TLK1: variants seen among roughly 807,000 people sequenced by gnomAD.
The protein encoded by TLK1 is serine/threonine-protein kinase tousled-like 1.
In TLK1, 24 loss-of-function variants were observed where a neutral mutation model predicts 105.3. That is an observed-to-expected ratio of 0.23 (90% CI 0.17 to 0.32). The LOEUF (loss-of-function observed/expected upper bound fraction) is 0.32, where lower values mean the gene tolerates loss of function less well. Ranked by LOEUF, TLK1 falls within the 10% of genes least tolerant of loss-of-function variation. TLK1 has a pLI of 1.00. For synonymous variants in TLK1, 321 were observed against 310.4 expected (o/e 1.03, Z -0.36); for missense variants, 558 against 910.5 (o/e 0.61, Z 4.98).
chr2:171,137,745 A>C (rs967538507), intron 1 of TLK1, among the ~76,000 whole-genome samples: 2 of 151,992 alleles, frequency 1.3e-5, no homozygotes, highest in African/African-American at 4.8e-5. Flanking sequence ...GCTACTCGGG[A>C]GGCTGAGGCA....
chr2:171,150,459 G>C (rs1291143667), intron 1 of TLK1, among the ~76,000 whole-genome samples: 2 of 152,064 alleles, frequency 1.3e-5, no homozygotes, highest in Non-Finnish European at 2.9e-5. Flanking sequence ...CATCTCAAGG[G>C]GACTGTCAAT....
intron 3 of TLK1, among the ~76,000 whole-genome samples, chr2:171,077,792 A>G (rs1688579044): frequency 6.6e-6 from 1 of 152,250 alleles, no homozygotes; most frequent in Non-Finnish European, 1.5e-5. Context: ...ATACAAGTGT[A>G]AAAGAATACA....
chr2:171,136,320 AG>A (rs1691322609), intron 1 of TLK1, among the ~76,000 whole-genome samples: 1 of 152,234 alleles, frequency 6.6e-6, no homozygotes, highest in African/African-American at 2.4e-5. Context: ...CTAGGGGCAG[AG>A]GGGAATTAGA....
chr2:171,053,115 C>T (rs1687321454), intron 8 of TLK1, among the ~76,000 whole-genome samples: 1 of 152,136 alleles, frequency 6.6e-6, no homozygotes, highest in Non-Finnish European at 1.5e-5. Flanking sequence ...AAAAATCCTA[C>T]AGAACTGCAG....
chr2:171,133,758 A>AT (rs552762859), intron 1 of TLK1, among the ~76,000 whole-genome samples: 30,140 of 144,322 alleles, frequency 0.21, 3,592 homozygotes, highest in Non-Finnish European at 0.29. Context: ...CAGACTTCTG[A>AT]TTTTTTTTTT....
intron 1 of TLK1, among the ~76,000 whole-genome samples, chr2:171,212,142 C>T (rs1452801206): frequency 6.6e-6 from 1 of 152,226 alleles, no homozygotes; most frequent in Non-Finnish European, 1.5e-5. Context: ...GCCTGGCCTC[C>T]TCTCGTTTTA....
chr2:171,040,957 A>C (rs532013028), intron 11 of TLK1, among the ~76,000 whole-genome samples: 17 of 152,300 alleles, frequency 1.1e-4, no homozygotes, highest in Admixed American at 5.9e-4. Context: ...ATGAGGTAAA[A>C]TATTACTTAT....
At chr2:171,022,883 G>A (rs1685593885) in intron 12 of TLK1, 1 of 303,364 alleles carries the variant, frequency 3.3e-6, no homozygotes, top group Non-Finnish European at 6.6e-6. Context: ...TAAAGCCAAC[G>A]CCCTGCATTC....
At chr2:171,022,086 A>AACACACACACACACAGACACACACACAC (rs1553605632) in intron 12 of TLK1, among the ~76,000 whole-genome samples, 2 of 103,010 alleles carry the variant, frequency 1.9e-5, no homozygotes, top group East Asian at 1.2e-3. Context: ...CTGGGCGAAA[A>AACACACACACACACAGACACACACACAC]ACACACACAC....
chr2:171,035,566 T>G (rs984053427), intron 11 of TLK1, among the ~76,000 whole-genome samples: 5 of 152,226 alleles, frequency 3.3e-5, no homozygotes, highest in African/African-American at 1.2e-4. Flanking sequence ...ACATACCAAG[T>G]ACTACTGTGA....
intron 3 of TLK1, among the ~76,000 whole-genome samples, chr2:171,074,626 C>CAAAAAAAAAAAAAA (rs372844435): frequency 4.4e-5 from 4 of 89,952 alleles, no homozygotes; most frequent in Non-Finnish European, 4.7e-5. Flanking sequence ...GACTCTGCCT[C>CAAAAAAAAAAAAAA]AAAAAAAAAA....
At chr2:171,155,061 A>G (rs563574651) in intron 1 of TLK1, among the ~76,000 whole-genome samples, 3 of 152,210 alleles carry the variant, frequency 2.0e-5, no homozygotes, top group Non-Finnish European at 4.4e-5. Flanking sequence ...TTTATGTTCT[A>G]GTTATACTTA....
intron 1 of TLK1, among the ~76,000 whole-genome samples, chr2:171,142,089 C>G (rs114882827): frequency 0.011 from 1,693 of 151,650 alleles, 36 homozygotes; most frequent in African/African-American, 0.039. Context: ...TTATATCACA[C>G]TTTAACACAG....
rs192059244 is a variant in TLK1, at chr2:171,062,715, A to G, written c.331-1559T>C. ...TCAGTTCTGTATGATTCTAAGACCT[A>G]AATGCTCTTTATTTTTTCTATGATA... On this transcript the variant is annotated intron_variant, in intron 3 of 20. Transcript: ENST00000431350. Among the ~76,000 whole-genome samples, 234 of 152,336 alleles carry G rather than the reference A, an allele frequency of 1.5e-3. 1 individual carries two copies. Among genetic ancestry groups the G allele is most frequent in the Middle Eastern group, 6.8e-3 (2 of 294 alleles).
At chr2:171,108,481 G>A (rs1472754066) in intron 2 of TLK1, among the ~76,000 whole-genome samples, 3 of 152,092 alleles carry the variant, frequency 2.0e-5, no homozygotes, top group Non-Finnish European at 2.9e-5. Context: ...GCAATAGATG[G>A]CAGAACTGAG....
intron 2 of TLK1, among the ~76,000 whole-genome samples, chr2:171,095,766 T>A (rs959698692): frequency 6.6e-6 from 1 of 151,844 alleles, no homozygotes; most frequent in Non-Finnish European, 1.5e-5. Context: ...AGAAAATGCA[T>A]CTGACAAAAT....
chr2:171,027,503 A>T (rs1455839770), intron 12 of TLK1, among the ~76,000 whole-genome samples: 2 of 152,254 alleles, frequency 1.3e-5, no homozygotes, highest in African/African-American at 4.8e-5. Flanking sequence ...CGACAATAAC[A>T]CATAGCAACA....
intron 1 of TLK1, among the ~76,000 whole-genome samples, chr2:171,220,819 C>A (rs964639898): frequency 6.6e-6 from 1 of 151,954 alleles, no homozygotes; most frequent in Non-Finnish European, 1.5e-5. Flanking sequence ...CCTCTCACCC[C>A]CTAAAAACCC....
intron 11 of TLK1, among the ~76,000 whole-genome samples, chr2:171,042,443 T>C (rs1686725680): frequency 6.6e-6 from 1 of 152,078 alleles, no homozygotes; most frequent in Admixed American, 6.6e-5. Context: ...GGATAGGGTC[T>C]TGCTCTGTTG....
Sources: allele counts gnomAD v4.1 joint callset (sites outside exome capture counted in the v4.1 genomes callset), GRCh38; gene constraint gnomAD v4.1.1; transcripts MANE v1.5; gene names NCBI Gene and HGNC (gene_info 2026-07-23, HGNC 2026-07-21).